MAP4K2: variants seen among roughly 807,000 people sequenced by gnomAD.
MAP4K2 encodes the protein mitogen-activated protein kinase kinase kinase kinase 2.
A neutral mutation model predicts 125.3 loss-of-function variants in MAP4K2; 85 were observed. The observed-to-expected ratio is 0.68, with a 90% CI of 0.57 to 0.81. The LOEUF (loss-of-function observed/expected upper bound fraction) is 0.81, where lower values mean the gene tolerates loss of function less well. Ranked by LOEUF, MAP4K2 falls within the 40% of genes least tolerant of loss-of-function variation. The pLI is 0.00. For synonymous variants in MAP4K2, 479 were observed against 445.1 expected (o/e 1.08, Z -0.96); for missense variants, 923 against 1,056.4 (o/e 0.87, Z 1.75).
At chr11:64,792,458 GC>G in intron 24 of MAP4K2, 36 bp from the exon 25 acceptor site, 1 of 1,551,162 alleles carries the variant, frequency 6.4e-7, no homozygotes, top group Non-Finnish European at 8.7e-7. Context: ...TGTCTGGGAT[GC>G]CATCCATGGG....
At chr11:64,801,658 C>A in intron 6 of MAP4K2, 37 bp from the exon 7 acceptor site, 1 of 1,613,872 alleles carries the variant, frequency 6.2e-7, no homozygotes, top group Non-Finnish European at 8.5e-7. Context: ...CATCTGGTGC[C>A]CCCGAGGGCC....
chr11:64,799,751 T>C, intron 12 of MAP4K2, 68 bp from the exon 13 acceptor site: 1 of 1,302,144 alleles, frequency 7.7e-7, no homozygotes, highest in South Asian at 1.2e-5. Context: ...CTCTAGGAGC[T>C]TCACACGCAC....
chr11:64,792,092 G>A lies in MAP4K2; in HGVS notation c.1915-6C>T, dbSNP rs1223352167. The A allele has an allele frequency of 6.3e-7, 1 of 1,582,492 alleles. No homozygotes were observed. The highest frequency in any genetic ancestry group is 1.8e-5 in the Admixed American group (1 of 56,028). Reference sequence around the variant, plus strand: ...GGCAGAGGGCTGGAGAAGTTCTAGGGGGCAGCAGGGATGCTCAGGTCTCCA... The same window carrying A: ...GGCAGAGGGCTGGAGAAGTTCTAGGAGGCAGCAGGGATGCTCAGGTCTCCA... On this transcript the variant is annotated splice_region_variant and splice_polypyrimidine_tract_variant and intron_variant, in intron 26 of 31. Coordinates refer to ENST00000294066, the MANE Select transcript of MAP4K2 (RefSeq NM_004579.5).
chr11:64,802,650 T>A lies in MAP4K2; in HGVS notation c.158A>T (p.Asp53Val). ...TTCCTGCTGGAGGGAGCTGATGTCGTCCCCTGGGAAGCACAAAGCATCATG... is the reference window on the plus strand; with the variant it reads ...TTCCTGCTGGAGGGAGCTGATGTCGACCCCTGGGAAGCACAAAGCATCATG... ...AVKIVKLDPG[D>V]DISSLQQEIT... Residue 53 changes from aspartate to valine, a missense_variant, in exon 3 of 32, where the codon GAC becomes GTC. Physicochemically the swap from Asp to Val is radical, Grantham distance 152. Coordinates refer to ENST00000294066, the MANE Select transcript of MAP4K2 (RefSeq NM_004579.5). The A allele has an allele frequency of 6.2e-7, 1 of 1,612,262 alleles. No homozygotes were observed. The highest frequency in any genetic ancestry group is 8.5e-7 in the Non-Finnish European group (1 of 1,179,390).
rs71049660 is a variant in MAP4K2, at chr11:64,794,367, C to CTT, written c.1751+1904_1751+1905dup. On this transcript the variant is annotated intron_variant, in intron 24 of 31. Coordinates refer to ENST00000294066, the MANE Select transcript of MAP4K2 (RefSeq NM_004579.5). ...CTGACTGTTTTTCTCTTCTGTTTTT[C>CTT]TTTTTTTTTTGAGACGGAGTCTTGC... is the stretch of plus-strand genomic sequence containing the variant. Among the ~76,000 whole-genome samples, 331 of 148,248 alleles carry CTT rather than the reference C, an allele frequency of 2.2e-3. 1 individual carries two copies. The highest frequency in any genetic ancestry group is 6.5e-3 in the African/African-American group (261 of 40,388).
chr11:64,802,503 G>T lies in MAP4K2; in HGVS notation c.246-20C>A. The stretch of plus-strand genomic sequence containing the variant: ...TCATTCCTAGGGACAAAGAGCTGGG[G>T]TGGGCACAAAGCAGGTCACATGGGG... On this transcript the variant is annotated intron_variant, in intron 3 of 31. Coordinates refer to ENST00000294066, the MANE Select transcript of MAP4K2 (RefSeq NM_004579.5). 1 of 1,552,124 alleles carries T rather than the reference G, an allele frequency of 6.4e-7. No individual in the cohort carries two copies.
chr11:64,802,593 T>C lies in MAP4K2; in HGVS notation c.215A>G (p.Asn72Ser), dbSNP rs759823231. The change falls in exon 3 of 32, where the codon AAT becomes AGT. Residue 72 changes from asparagine (N) to serine (S), a missense_variant. Around this residue, in one of 2 missense-constraint regions of MAP4K2, gnomAD observed 833 missense variants for 911.4 expected, o/e 0.91. Coordinates refer to ENST00000294066, the MANE Select transcript of MAP4K2 (RefSeq NM_004579.5). The part of the protein sequence containing the change: ...ITILRECRHP[N>S]VVAYIGSYLR... ...GTAGCTGCCAATGTAGGCCACCACA[T>C]TGGGGTGGCGGCACTCACGCAGGAT... The C allele has an allele frequency of 2.4e-5, 38 of 1,611,562 alleles. No homozygotes were observed. The highest frequency in any genetic ancestry group is 3.0e-5 in the Non-Finnish European group (35 of 1,179,070).
rs1940314392 is a variant in MAP4K2 at position 64,788,894 on chromosome 11, G to T, written c.*643C>A. 6.5e-6 allele frequency: 1 copy of T among 153,434 alleles called. No individual in the cohort carries two copies. Among genetic ancestry groups the T allele is most frequent in the Non-Finnish European group, 1.4e-5 (1 of 69,012 alleles). 9.5% of individuals were successfully genotyped at this position (153,434 alleles called of 1,614,324 possible). A position where few individuals can be genotyped will look rare whatever the true frequency, so the allele number is the denominator to read the frequency against. ...CCCCCCATCTGCATGAGTCCTTGGGGTGCTAAACTACAGCAGAGCCCTCAA... is the reference window on the plus strand; with the variant it reads ...CCCCCCATCTGCATGAGTCCTTGGGTTGCTAAACTACAGCAGAGCCCTCAA... On this transcript the variant is annotated 3_prime_UTR_variant, in exon 32 of 32. Coordinates refer to ENST00000294066, the MANE Select transcript of MAP4K2 (RefSeq NM_004579.5).
chr11:64,800,527 A>T, intron 10 of MAP4K2, 135 bp from the exon 11 acceptor site: 1 of 1,125,466 alleles, frequency 8.9e-7, no homozygotes, highest in Non-Finnish European at 1.3e-6. Context: ...GCCAAGGGCC[A>T]CTGGCCGAGC....
In MAP4K2 at chr11:64,800,151, G is replaced by C; in HGVS notation, c.873C>G (p.Asp291Glu). The C allele has an allele frequency of 6.2e-7, 1 of 1,612,892 alleles. No individual in the cohort carries two copies. Among genetic ancestry groups the C allele is most frequent in the Non-Finnish European group, 8.5e-7 (1 of 1,179,682 alleles). ...LLTQLLDKAS[D>E]PHLGTPSPED... The stretch of plus-strand genomic sequence containing the variant: ...CAGGGGAGGGGGTCCCCAGATGAGG[G>C]TCACTGGCTTTGTCCAGCAGCTGTG... The change falls in exon 12 of 32, where the codon GAC (aspartate) becomes GAG (glutamate). Residue 291 changes from aspartate to glutamate, a missense_variant. Asp to Glu is a conservative substitution (Grantham distance 45). Transcript: ENST00000294066.
rs897190243 is a variant in MAP4K2, at chr11:64,796,991, G to T, written c.1398C>A (p.Pro466=). The change falls in exon 20 of 32, where the codon CCC becomes CCA. Residue 466 remains proline (P), a synonymous_variant. Coordinates refer to ENST00000294066, the MANE Select transcript of MAP4K2 (RefSeq NM_004579.5). The part of the protein sequence containing the change: ...RSSCHGLPPT[P]KVHMGACFSK... ...TGGGGCAAACACTTACATGCACCTT[G>T]GGAGTTGGGGGGAGCCCGTGGCAGG... is the stretch of plus-strand genomic sequence containing the variant. 18 of 1,613,792 alleles carry T rather than the reference G, an allele frequency of 1.1e-5. No homozygotes were observed. Among genetic ancestry groups the T allele is most frequent in the Non-Finnish European group, 1.4e-5 (17 of 1,179,948 alleles).
chr11:64,801,232 C>T, intron 7 of MAP4K2, 49 bp from the exon 8 acceptor site: 3 of 1,587,946 alleles, frequency 1.9e-6, no homozygotes, highest in South Asian at 1.1e-5. Context: ...TGCCACTCAC[C>T]CTCCCACGCC....
rs1246008070 is a variant in MAP4K2, at chr11:64,802,489, G to C, written c.246-6C>G. 3 of 1,536,966 alleles carry C rather than the reference G, an allele frequency of 2.0e-6. No homozygotes were observed. The highest frequency in any genetic ancestry group is 8.8e-7 in the Non-Finnish European group (1 of 1,141,482). ...AGATCCACAAGCGGTCATTCCTAGG[G>C]ACAAAGAGCTGGGGTGGGCACAAAG... On this transcript the variant is annotated splice_region_variant and splice_polypyrimidine_tract_variant and intron_variant, in intron 3 of 31. Transcript: ENST00000294066.
chr11:64,798,089 C>T (rs1418387183), intron 15 of MAP4K2, among the ~76,000 whole-genome samples: 1 of 151,928 alleles, frequency 6.6e-6, no homozygotes, highest in Non-Finnish European at 1.5e-5. Flanking sequence ...CAACCTCTGC[C>T]TCCCAGATTC....
Position 64,799,604 on chromosome 11 carries a change from C to T in MAP4K2, c.994+1G>A. The T allele has an allele frequency of 6.2e-7, 1 of 1,614,064 alleles. No homozygotes were observed. The highest frequency in any genetic ancestry group is 8.5e-7 in the Non-Finnish European group (1 of 1,179,994). The stretch of plus-strand genomic sequence containing the variant: ...ACACACAGCCCCTGCTGCAGACTCA[C>T]ACTGGATCTCCGAGGGGGTCCTCTC... On this transcript the variant is annotated splice_donor_variant, in intron 13 of 31. Coordinates refer to ENST00000294066, the MANE Select transcript of MAP4K2 (RefSeq NM_004579.5). LOFTEE classifies it high-confidence loss of function.
Position 64,786,179 on chromosome 11 carries a change from TTATAA to T in MAP4K2, c.*3353_*3357del, listed in dbSNP as rs1329831197. The T allele has an allele frequency of 1.3e-5, 2 of 152,222 alleles. No homozygotes were observed. Among genetic ancestry groups the T allele is most frequent in the African/African-American group, 4.8e-5 (2 of 41,456 alleles). The allele number at this position is 152,222 out of a possible 1,614,324, so 9.4% of individuals were successfully genotyped here. A position where few individuals can be genotyped will look rare whatever the true frequency, so the allele number is the denominator to read the frequency against. ...GATGGTTTCATTTTGTTTTTGAGCTTTATAATATGCTATCGTACTGTGCATAAAGT... is the reference window on the plus strand; with the variant it reads ...GATGGTTTCATTTTGTTTTTGAGCTTTATGCTATCGTACTGTGCATAAAGT... On this transcript the variant is annotated 3_prime_UTR_variant, in exon 32 of 32. Transcript: ENST00000294066.
Position 64,802,291 on chromosome 11 carries a change from C to T in MAP4K2, c.310+128G>A, listed in dbSNP as rs1227860449. The T allele has an allele frequency of 4.3e-6, 5 of 1,153,394 alleles. No individual in the cohort carries two copies. The East Asian group carries it at 1.3e-4, about 29-fold the overall frequency. 71.4% of individuals were successfully genotyped at this position (1,153,394 alleles called of 1,614,324 possible). A position where few individuals can be genotyped will look rare whatever the true frequency, so the allele number is the denominator to read the frequency against. On this transcript the variant is annotated intron_variant, in intron 4 of 31. Transcript: ENST00000294066. ...ACCCAGAGATGGACAGTATTTCTCTCAAGGTCACACAGCCAGGCAGGAGTG... is the reference window on the plus strand; with the variant it reads ...ACCCAGAGATGGACAGTATTTCTCTTAAGGTCACACAGCCAGGCAGGAGTG...
At chr11:64,801,242 C>T (rs1941146675) in intron 7 of MAP4K2, 59 bp from the exon 8 acceptor site, 1 of 1,576,402 alleles carries the variant, frequency 6.3e-7, no homozygotes, top group African/African-American at 1.4e-5. Flanking sequence ...CCTCCCACGC[C>T]CAGGGCTCTG....
Position 64,790,383 on chromosome 11 carries a change from A to G in MAP4K2, c.2161+11T>C, listed in dbSNP as rs1230597910. ...GTCCCCTGCCCTAAGCCCTGCCCCC[A>G]GGGCACTCACGTTCAAAGCTGACTA... On this transcript the variant is annotated intron_variant, in intron 28 of 31. Coordinates refer to ENST00000294066, the MANE Select transcript of MAP4K2 (RefSeq NM_004579.5). The G allele has an allele frequency of 1.9e-6, 3 of 1,613,986 alleles. No homozygotes were observed. The Admixed American group carries it at 5.0e-5, about 27-fold the overall frequency.
Sources: allele counts gnomAD v4.1 joint callset (sites outside exome capture counted in the v4.1 genomes callset), GRCh38; gene constraint gnomAD v4.1.1; regional missense constraint gnomAD v4.1.1; transcripts MANE v1.5; gene names NCBI Gene and HGNC (gene_info 2026-07-23, HGNC 2026-07-21).